Variants in COL23A1 observed in about 807,000 individuals in gnomAD.
The protein encoded by COL23A1 is collagen type XXIII alpha 1 chain, also known as collagen alpha-1(XXIII) chain.
A neutral mutation model predicts 99.3 loss-of-function variants in COL23A1; 97 were observed. The ratio of observed to expected loss-of-function variants is 0.98; its 90% CI spans 0.83 to 1.16. The LOEUF (loss-of-function observed/expected upper bound fraction) is 1.16. COL23A1 is among the 50% of genes most tolerant of loss of function. The probability of loss-of-function intolerance (pLI) is 0.00; values close to 1 mark genes in which losing one functional copy is unlikely to be tolerated. For missense variants in COL23A1, 762 were observed against 757.4 expected (o/e 1.01, Z -0.07); for synonymous variants, 320 against 308.2 (o/e 1.04, Z -0.40).
At chr5:178,263,163 G>T in intron 9 of COL23A1, 45 bp downstream of exon 9, 1 of 1,401,072 alleles carries the variant, frequency 7.1e-7, no homozygotes, top group Non-Finnish European at 1.0e-6. Context: ...AGGATTTGGG[G>T]TTTTGGTCAA....
intron 2 of COL23A1, among the ~76,000 whole-genome samples, chr5:178,485,859 T>C (rs1259916716): frequency 6.8e-6 from 1 of 147,204 alleles, no homozygotes; most frequent in East Asian, 2.0e-4. Context: ...AAGAAGAAAA[T>C]CTGCCCCAGC....
In COL23A1 at chr5:178,248,225, C is replaced by A; in HGVS notation, c.1179G>T (p.Gly393=). Reference sequence around the variant, plus strand: ...CCTGTAGGCTGTCAGACGCCGACTCCCCCTTCTCCCCCTTGAGGCCGTCAG... The same window carrying A: ...CCTGTAGGCTGTCAGACGCCGACTCACCCTTCTCCCCCTTGAGGCCGTCAG... ...PGADGLKGEK[G]ESASDSLQES... Residue 393 remains glycine, a synonymous_variant, in exon 20 of 29, where the codon GGG becomes GGT. Transcript: ENST00000390654. The A allele has an allele frequency of 6.8e-6, 11 of 1,612,046 alleles. No homozygotes were observed. The highest frequency in any genetic ancestry group is 9.3e-6 in the Non-Finnish European group (11 of 1,178,320).
chr5:178,424,823 C>T (rs934909805), intron 2 of COL23A1, among the ~76,000 whole-genome samples: 1 of 152,222 alleles, frequency 6.6e-6, no homozygotes, highest in Non-Finnish European at 1.5e-5. Context: ...TCCCCCAGGC[C>T]TTCTGGAGGA....
At chr5:178,240,257 A>G (rs1012233795) in intron 27 of COL23A1, among the ~76,000 whole-genome samples, 7 of 152,360 alleles carry the variant, frequency 4.6e-5, no homozygotes, top group Admixed American at 1.3e-4. Context: ...AAGCACAGGA[A>G]TGAGCCTCAG....
intron 2 of COL23A1, among the ~76,000 whole-genome samples, chr5:178,331,635 G>C (rs2127646187): frequency 6.6e-6 from 1 of 152,320 alleles, no homozygotes; most frequent in Admixed American, 6.5e-5. Flanking sequence ...TGGGGCAGGA[G>C]TAAACACCAT....
At chr5:178,315,530 A>G (rs1244030395) in intron 2 of COL23A1, among the ~76,000 whole-genome samples, 1 of 152,148 alleles carries the variant, frequency 6.6e-6, no homozygotes, top group African/African-American at 2.4e-5. Flanking sequence ...ATGCCCTCCT[A>G]AGTTCTTCCT....
intron 2 of COL23A1, among the ~76,000 whole-genome samples, chr5:178,348,185 C>T (rs1431748735): frequency 1.3e-5 from 2 of 152,162 alleles, no homozygotes; most frequent in Non-Finnish European, 2.9e-5. Context: ...TTGGCCTCTC[C>T]ACCTGCCGCC....
At chr5:178,456,167 C>T (rs1049380226) in intron 2 of COL23A1, among the ~76,000 whole-genome samples, 4 of 152,184 alleles carry the variant, frequency 2.6e-5, no homozygotes, top group Non-Finnish European at 5.9e-5. Flanking sequence ...CTTCCCTCAA[C>T]CTTGCCACCA....
intron 2 of COL23A1, among the ~76,000 whole-genome samples, chr5:178,523,266 AG>A (rs1760109730): frequency 6.9e-6 from 1 of 145,336 alleles, no homozygotes; most frequent in Non-Finnish European, 1.5e-5. Flanking sequence ...ACAGAGAGAG[AG>A]AGAGAGAGAG....
intron 11 of COL23A1, 95 bp downstream of exon 11, chr5:178,261,627 T>G: frequency 1.2e-6 from 1 of 838,948 alleles, no homozygotes; most frequent in Non-Finnish European, 2.0e-6. Context: ...TTGGCTTCAC[T>G]AGGGGTGGGG....
At chr5:178,368,246 G>A (rs1762599226) in intron 2 of COL23A1, among the ~76,000 whole-genome samples, 1 of 152,196 alleles carries the variant, frequency 6.6e-6, no homozygotes, top group South Asian at 2.1e-4. Flanking sequence ...AATACCATGG[G>A]CTGGGCAGGG....
chr5:178,518,311 C>T (rs529278203), intron 2 of COL23A1, among the ~76,000 whole-genome samples: 2 of 149,516 alleles, frequency 1.3e-5, no homozygotes, highest in East Asian at 2.1e-4. Context: ...TACACAGACA[C>T]GGCAACCATC....
Position 178,278,145 on chromosome 5 carries a change from G to A in COL23A1, c.442-7782C>T, listed in dbSNP as rs540730034. ...GCCACAGCGTGGCCAAACTCCACGA[G>A]GCAGTCTAGAGGGAGACAGCGTGAC... is the stretch of plus-strand genomic sequence containing the variant. On this transcript the variant is annotated intron_variant, in intron 5 of 28. Transcript: ENST00000390654. Among the ~76,000 whole-genome samples the A allele has an allele frequency of 2.6e-5, 4 of 152,342 alleles. No individual in the cohort carries two copies. The South Asian group carries it at 8.3e-4, about 32-fold the overall frequency.
chr5:178,514,226 A>T (rs1364647070), intron 2 of COL23A1, among the ~76,000 whole-genome samples: 1 of 152,216 alleles, frequency 6.6e-6, no homozygotes, highest in Non-Finnish European at 1.5e-5. Flanking sequence ...CCATGCTGGA[A>T]CATGTGTCAG....
chr5:178,316,959 T>G (rs1759015308), intron 2 of COL23A1, among the ~76,000 whole-genome samples: 1 of 152,206 alleles, frequency 6.6e-6, no homozygotes, highest in East Asian at 1.9e-4. Context: ...GTCGGCTTAT[T>G]CTATGGAGTG....
intron 2 of COL23A1, among the ~76,000 whole-genome samples, chr5:178,499,749 A>G (rs1405903683): frequency 6.6e-6 from 1 of 152,272 alleles, no homozygotes; most frequent in African/African-American, 2.4e-5. Context: ...GACTGGTCCA[A>G]GAATGTTCCT....
intron 27 of COL23A1, among the ~76,000 whole-genome samples, chr5:178,240,837 C>T (rs761953952): frequency 9.8e-5 from 15 of 152,328 alleles, no homozygotes; most frequent in South Asian, 2.1e-4. Context: ...GGAGTGGCCA[C>T]GTCTGAATAT....
intron 2 of COL23A1, among the ~76,000 whole-genome samples, chr5:178,557,997 A>C (rs775694711): frequency 4.0e-5 from 6 of 151,552 alleles, no homozygotes; most frequent in Non-Finnish European, 5.9e-5. Flanking sequence ...GATGGCCTCC[A>C]TCACAGCCTG....
chr5:178,369,624 G>A (rs1762692305), intron 2 of COL23A1, among the ~76,000 whole-genome samples: 1 of 152,138 alleles, frequency 6.6e-6, no homozygotes, highest in African/African-American at 2.4e-5. Context: ...CAGTGAATAA[G>A]TCTCCTGAGA....
Sources: allele counts gnomAD v4.1 joint callset (sites outside exome capture counted in the v4.1 genomes callset), GRCh38; gene constraint gnomAD v4.1.1; transcripts MANE v1.5; gene names NCBI Gene and HGNC (gene_info 2026-07-23, HGNC 2026-07-21).